TTC28: variants seen among roughly 807,000 people sequenced by gnomAD.
TTC28 encodes the protein tetratricopeptide repeat protein 28.
TTC28 carries 61 observed loss-of-function variants against 198.0 expected under a neutral mutation model. The observed-to-expected ratio is 0.31, with a 90% CI of 0.25 to 0.38. The LOEUF is 0.38. TTC28 is among the 10% of genes least tolerant of loss of function. TTC28 has a pLI of 1.00. For synonymous variants in TTC28, 1,171 were observed against 1,297.8 expected (o/e 0.90, Z 2.10); for missense variants, 2,678 against 3,164.0 (o/e 0.85, Z 3.69).
At chr22:28,573,066 G>A (rs1290160649) in intron 2 of TTC28, among the ~76,000 whole-genome samples, 4 of 150,254 alleles carry the variant, frequency 2.7e-5, no homozygotes, top group Admixed American at 6.6e-5. Flanking sequence ...AGGTTGCAGT[G>A]AGCAGTGATT....
Position 28,030,215 on chromosome 22 carries a change from C to T in TTC28, c.4073+11G>A, listed in dbSNP as rs778189877. 81 of 1,551,344 alleles carry T rather than the reference C, an allele frequency of 5.2e-5. 1 individual carries two copies. In the South Asian group the frequency reaches 8.9e-4, roughly 17 times the overall value. On this transcript the variant is annotated intron_variant, in intron 13 of 22. Transcript: ENST00000397906. ...CCTGCACTGGGCCTGGGGAAAGCGC[C>T]CCACACTCACCTGTTAAACAGGTTA...
chr22:28,469,220 G>C (rs75277358), intron 2 of TTC28, among the ~76,000 whole-genome samples: 2,093 of 152,244 alleles, frequency 0.014, 61 homozygotes, highest in African/African-American at 0.048. Flanking sequence ...TTAGTCCGAA[G>C]TATTCTCTTG....
At chr22:28,310,843 A>G (rs760626783) in intron 2 of TTC28, among the ~76,000 whole-genome samples, 4 of 151,128 alleles carry the variant, frequency 2.6e-5, no homozygotes, top group Non-Finnish European at 5.9e-5. Context: ...GAAGTGGCAC[A>G]GTCTCAGCTC....
chr22:28,111,108 C>T (rs73880393), intron 6 of TTC28, among the ~76,000 whole-genome samples: 10,726 of 151,938 alleles, frequency 0.071, 436 homozygotes, highest in South Asian at 0.091. Flanking sequence ...AGGTTAAGAG[C>T]AGTAATATTT....
intron 2 of TTC28, among the ~76,000 whole-genome samples, chr22:28,464,156 AAGAGCTAG>A (rs1215301323): frequency 6.6e-6 from 1 of 152,160 alleles, no homozygotes; most frequent in African/African-American, 2.4e-5. Context: ...AACACATTGG[AAGAGCTAG>A]AGACCCAGAA....
At chr22:28,374,851 T>A (rs1011722866) in intron 2 of TTC28, among the ~76,000 whole-genome samples, 1 of 151,966 alleles carries the variant, frequency 6.6e-6, no homozygotes, top group African/African-American at 2.4e-5. Flanking sequence ...TCAGCTAATT[T>A]TTTTTTTAAT....
At chr22:28,626,895 G>A (rs2051084939) in intron 2 of TTC28, among the ~76,000 whole-genome samples, 1 of 151,848 alleles carries the variant, frequency 6.6e-6, no homozygotes, top group Non-Finnish European at 1.5e-5. Flanking sequence ...AATAATAAAA[G>A]TACACTTTTT....
intron 2 of TTC28, among the ~76,000 whole-genome samples, chr22:28,337,023 G>T (rs1391035463): frequency 2.6e-5 from 4 of 152,134 alleles, no homozygotes; most frequent in African/African-American, 9.7e-5. Flanking sequence ...GTGTTCCAGA[G>T]ATTCTGGTAT....
chr22:28,108,505 G>C (rs1601628932), intron 6 of TTC28, 102 bp from the exon 7 acceptor site: 5 of 1,047,354 alleles, frequency 4.8e-6, no homozygotes, highest in Non-Finnish European at 5.0e-6. Context: ...ATGCAATCCA[G>C]ATGAATTAAA....
intron 5 of TTC28, among the ~76,000 whole-genome samples, chr22:28,167,390 A>G (rs548094736): frequency 1.3e-5 from 2 of 152,376 alleles, no homozygotes; most frequent in East Asian, 3.9e-4. Context: ...TTAGACCAAT[A>G]TCCCTGATGA....
intron 2 of TTC28, among the ~76,000 whole-genome samples, chr22:28,358,214 A>G (rs2046107108): frequency 6.6e-6 from 1 of 152,192 alleles, no homozygotes; most frequent in Non-Finnish European, 1.5e-5. Context: ...ATGTGTTACA[A>G]CCATCCACAG....
intron 2 of TTC28, among the ~76,000 whole-genome samples, chr22:28,522,171 T>C (rs16986494): frequency 0.016 from 2,429 of 152,260 alleles, 86 homozygotes; most frequent in African/African-American, 0.056. Context: ...AGAACTTTCA[T>C]AGTACCATGA....
intron 5 of TTC28, among the ~76,000 whole-genome samples, chr22:28,289,548 C>T (rs1216863096): frequency 2.0e-5 from 3 of 152,110 alleles, no homozygotes; most frequent in Non-Finnish European, 2.9e-5. Context: ...GAAAAGACAA[C>T]CTATTAAGCT....
chr22:28,001,875 AG>A, intron 14 of TTC28: 1 of 297,666 alleles, frequency 3.4e-6, no homozygotes. Context: ...AGGCACCCTG[AG>A]AAGGGGTGGG....
At chr22:28,369,691 C>T (rs1014943567) in intron 2 of TTC28, among the ~76,000 whole-genome samples, 6 of 152,064 alleles carry the variant, frequency 3.9e-5, no homozygotes, top group East Asian at 3.8e-4. Flanking sequence ...ATATAATAAA[C>T]GTTTACAGAA....
chr22:28,242,747 C>T (rs1929749404), intron 5 of TTC28, among the ~76,000 whole-genome samples: 1 of 152,058 alleles, frequency 6.6e-6, no homozygotes, highest in African/African-American at 2.4e-5. Flanking sequence ...ATTACTGGTG[C>T]TGACTGGATT....
chr22:28,628,094 C>T (rs1030253449), intron 2 of TTC28, among the ~76,000 whole-genome samples: 3 of 151,800 alleles, frequency 2.0e-5, no homozygotes, highest in Non-Finnish European at 2.9e-5. Flanking sequence ...TTTGTAGAGA[C>T]TATGTTGCCT....
chr22:28,623,602 C>T (rs2051034022), intron 2 of TTC28, among the ~76,000 whole-genome samples: 1 of 152,140 alleles, frequency 6.6e-6, no homozygotes, highest in Non-Finnish European at 1.5e-5. Context: ...CATGTTCTTT[C>T]CAAGTGTTCA....
intron 5 of TTC28, among the ~76,000 whole-genome samples, chr22:28,165,664 A>T (rs1416437802): frequency 6.6e-6 from 1 of 152,218 alleles, no homozygotes; most frequent in Admixed American, 6.5e-5. Flanking sequence ...GCCCTAAAAG[A>T]GCTCCTGAAG....
Sources: allele counts gnomAD v4.1 joint callset (sites outside exome capture counted in the v4.1 genomes callset), GRCh38; gene constraint gnomAD v4.1.1; transcripts MANE v1.5; gene names NCBI Gene and HGNC (gene_info 2026-07-23, HGNC 2026-07-21).